The following SORBS2 variants were observed in gnomAD, a reference collection of about 807,000 sequenced individuals.
SORBS2 encodes sorbin and SH3 domain containing 2, also known as sorbin and SH3 domain-containing protein 2.
SORBS2 carries 46 observed loss-of-function variants against 97.7 expected under a neutral mutation model. The ratio of observed to expected loss-of-function variants is 0.47; its 90% CI spans 0.37 to 0.60. SORBS2 has a LOEUF of 0.60. SORBS2 is among the 20% of genes least tolerant of loss of function. The pLI is 0.00. For synonymous variants in SORBS2, 476 were observed against 473.4 expected (o/e 1.01, Z -0.07); for missense variants, 1,316 against 1,282.3 (o/e 1.03, Z -0.40).
At chr4:185,782,419 C>T (rs1348618566) in intron 1 of SORBS2, among the ~76,000 whole-genome samples, 1 of 152,240 alleles carries the variant, frequency 6.6e-6, no homozygotes, top group Non-Finnish European at 1.5e-5. Context: ...TATTCCTAGA[C>T]CTTTTTCACA....
chr4:185,602,653 C>A (rs1217699390), intron 12 of SORBS2, among the ~76,000 whole-genome samples: 1 of 152,182 alleles, frequency 6.6e-6, no homozygotes, highest in East Asian at 1.9e-4. Flanking sequence ...AGTTTATTTT[C>A]TCTTTGCTTT....
chr4:185,918,266 T>C (rs1466894222), intron 1 of SORBS2: 2 of 152,254 alleles, frequency 1.3e-5, no homozygotes, highest in Non-Finnish European at 2.9e-5. Context: ...ACATGCTATT[T>C]GATTCTGTTA....
intron 2 of SORBS2, chr4:185,771,507 G>A (rs1196954508): frequency 2.6e-5 from 4 of 152,196 alleles, no homozygotes; most frequent in Admixed American, 2.6e-4. Flanking sequence ...TATGACTGGT[G>A]AAGCCAGTGC....
intron 2 of SORBS2, among the ~76,000 whole-genome samples, chr4:185,768,581 C>T (rs1214142983): frequency 6.6e-6 from 1 of 151,938 alleles, no homozygotes; most frequent in Non-Finnish European, 1.5e-5. Flanking sequence ...TGCCTGTAAT[C>T]CCAGCTACTC....
intron 1 of SORBS2, among the ~76,000 whole-genome samples, chr4:185,900,998 C>T (rs773527082): frequency 2.0e-5 from 3 of 152,226 alleles, no homozygotes; most frequent in African/African-American, 7.2e-5. Flanking sequence ...TTTGCAATCT[C>T]AATTGCATGA....
chr4:185,611,614 C>T (rs764024272), intron 12 of SORBS2, among the ~76,000 whole-genome samples, 166 bp downstream of exon 24: 2 of 152,180 alleles, frequency 1.3e-5, no homozygotes, highest in Non-Finnish European at 2.9e-5. Context: ...TTGAGAAACA[C>T]TGACTTATAT....
intron 3 of SORBS2, 141 bp downstream of exon 12, chr4:185,649,326 T>G: frequency 1.6e-6 from 1 of 611,724 alleles, no homozygotes; most frequent in South Asian, 3.7e-5. Flanking sequence ...GCAGAGGAGG[T>G]CAATATGGTA....
intron 1 of SORBS2, among the ~76,000 whole-genome samples, chr4:185,786,481 G>C (rs551978526): frequency 6.6e-6 from 1 of 152,306 alleles, no homozygotes; most frequent in East Asian, 1.9e-4. Context: ...AACATTGATT[G>C]ACTATGGTTA....
intron 2 of SORBS2, among the ~76,000 whole-genome samples, chr4:185,721,408 G>A (rs1368112134): frequency 2.6e-5 from 4 of 151,584 alleles, no homozygotes; most frequent in East Asian, 2.1e-4. Flanking sequence ...AGATGTGAAC[G>A]TTTGATCTCT....
chr4:185,646,680 C>T (rs1418873361), exon 4 of SORBS2: 1 of 1,608,944 alleles, frequency 6.2e-7, no homozygotes, highest in Admixed American at 1.7e-5. Flanking sequence ...GTCTTTCATG[C>T]TGAAGAATTG....
chr4:185,670,766 TCCTGGTGGTATGAGGAGA>T (rs2097701109), intron 4 of SORBS2, among the ~76,000 whole-genome samples: 1 of 152,146 alleles, frequency 6.6e-6, no homozygotes, highest in South Asian at 2.1e-4. Flanking sequence ...TCATGGCCTG[TCCTGGTGGTATGAGGAGA>T]CCTGCCTGGC....
rs545357484 is a variant in SORBS2, at chr4:185,612,873, A to G, written c.2596-893T>C. 5.3e-5 allele frequency among the ~76,000 whole-genome samples: 8 copies of G among 152,326 alleles called. No individual in the cohort carries two copies. In the South Asian group the frequency reaches 1.2e-3, roughly 24 times the overall value. On this transcript the variant is annotated intron_variant, in intron 11 of 14. Transcript: ENST00000418609. ...GGAAAGAGAGCGCCCTAGAATATCA[A>G]TAGCTGTGACAAGACTGGCATTCCC...
chr4:185,675,750 G>T (rs2097781455), intron 4 of SORBS2, among the ~76,000 whole-genome samples: 2 of 152,112 alleles, frequency 1.3e-5, no homozygotes, highest in Non-Finnish European at 2.9e-5. Context: ...ATTATCATCT[G>T]ATTTCATAGG....
At chr4:185,592,479 G>A (rs936954855) in intron 13 of SORBS2, among the ~76,000 whole-genome samples, 10 of 152,246 alleles carry the variant, frequency 6.6e-5, no homozygotes, top group African/African-American at 2.4e-4. Context: ...TCTTATCATC[G>A]TTTGGGTAAA....
At chr4:185,819,694 C>T (rs954504646) in intron 1 of SORBS2, among the ~76,000 whole-genome samples, 2 of 152,134 alleles carry the variant, frequency 1.3e-5, no homozygotes, top group African/African-American at 2.4e-5. Flanking sequence ...CAGGGATCAC[C>T]CAGGCTGACT....
intron 2 of SORBS2, among the ~76,000 whole-genome samples, chr4:185,749,035 G>A (rs535804116): frequency 6.6e-6 from 1 of 152,280 alleles, no homozygotes; most frequent in African/African-American, 2.4e-5. Context: ...AGTATGGCTC[G>A]GCTTGCTGCT....
At chr4:185,647,584 T>G (rs888763488) in intron 3 of SORBS2, among the ~76,000 whole-genome samples, 1 of 152,050 alleles carries the variant, frequency 6.6e-6, no homozygotes, top group African/African-American at 2.4e-5. Context: ...TGACTGTAGA[T>G]AGGGGTAATT....
intron 2 of SORBS2, among the ~76,000 whole-genome samples, chr4:185,713,859 T>C (rs564254598): frequency 6.6e-6 from 1 of 152,360 alleles, no homozygotes; most frequent in East Asian, 1.9e-4. Flanking sequence ...CACACCATTA[T>C]TTGCCTTTGT....
intron 1 of SORBS2, among the ~76,000 whole-genome samples, chr4:185,820,182 A>C (rs1006045549): frequency 6.6e-6 from 1 of 152,180 alleles, no homozygotes; most frequent in African/African-American, 2.4e-5. Flanking sequence ...TGTGTTCATC[A>C]AAAGAATGGT....
Sources: gnomAD v4.1 joint callset for allele counts (sites outside exome capture counted in the v4.1 genomes callset) on GRCh38, gnomAD v4.1.1 for gene constraint, MANE v1.5 for transcripts, NCBI Gene and HGNC (gene_info 2026-07-23, HGNC 2026-07-21) for gene names.